ECPAS: variants seen among roughly 807,000 people sequenced by gnomAD.
ECPAS encodes the protein proteasome adapter and scaffold protein ECM29.
ECPAS carries 70 observed loss-of-function variants against 255.1 expected under a neutral mutation model. The ratio of observed to expected loss-of-function variants is 0.27; its 90% CI spans 0.23 to 0.33. The LOEUF is 0.33. ECPAS is among the 10% of genes least tolerant of loss of function. The probability of loss-of-function intolerance (pLI) is 1.00; values close to 1 mark genes in which losing one functional copy is unlikely to be tolerated. For synonymous variants in ECPAS, 784 were observed against 775.0 expected, an observed-to-expected ratio of 1.01 and a Z score of -0.19; for missense variants, 1,817 against 2,206.4, an observed-to-expected ratio of 0.82 and a Z score of 3.54.
intron 24 of ECPAS, among the ~76,000 whole-genome samples, chr9:111,402,909 A>C (rs2098178318): frequency 1.3e-5 from 2 of 152,216 alleles, no homozygotes; most frequent in Admixed American, 1.3e-4. Context: ...AGGACTTCCA[A>C]AACAACCAGA....
At chr9:111,401,340 G>A (rs547661634) in intron 24 of ECPAS, among the ~76,000 whole-genome samples, 22 of 152,276 alleles carry the variant, frequency 1.4e-4, no homozygotes, top group African/African-American at 3.9e-4. Context: ...CCGTGATGGC[G>A]ACCTTGAGCC....
intron 1 of ECPAS, among the ~76,000 whole-genome samples, chr9:111,481,065 G>GA (rs1381100725): frequency 6.6e-5 from 10 of 151,824 alleles, no homozygotes; most frequent in Non-Finnish European, 1.2e-4. Context: ...CATAGCAATT[G>GA]AAAAAAAATC....
chr9:111,481,750 G>T (rs539132637), intron 1 of ECPAS, among the ~76,000 whole-genome samples: 1 of 152,124 alleles, frequency 6.6e-6, no homozygotes, highest in South Asian at 2.1e-4. Context: ...TACATACAAG[G>T]GAATATCATT....
intron 32 of ECPAS, 93 bp downstream of exon 32, chr9:111,386,284 T>C: frequency 1.2e-6 from 1 of 851,314 alleles, no homozygotes; most frequent in East Asian, 2.6e-5. Context: ...TAGTTTTAAT[T>C]TATTCCTTTT....
intron 13 of ECPAS, 61 bp downstream of exon 13, chr9:111,423,138 G>T: frequency 9.1e-7 from 1 of 1,094,596 alleles, no homozygotes; most frequent in Non-Finnish European, 1.3e-6. Flanking sequence ...ATTATTAAAT[G>T]CCACATAATT....
At chr9:111,372,999 T>C (rs1264603866) in intron 41 of ECPAS, among the ~76,000 whole-genome samples, 171 bp downstream of exon 41, 1 of 151,848 alleles carries the variant, frequency 6.6e-6, no homozygotes, top group African/African-American at 2.4e-5. Context: ...ACCACTGCAC[T>C]CCAACCTCAG....
intron 1 of ECPAS, among the ~76,000 whole-genome samples, chr9:111,476,358 G>A (rs41508454): frequency 0.064 from 9,743 of 152,196 alleles, 461 homozygotes; most frequent in East Asian, 0.21. Flanking sequence ...GCAGAAGATA[G>A]TATTAGCAGA....
rs187843585 is a variant in ECPAS at position 111,409,708 on chromosome 9, A to T, written c.2550+333T>A. Among the ~76,000 whole-genome samples, 530 of 131,396 alleles carry T rather than the reference A, an allele frequency of 4.0e-3. 3 individuals are homozygous for T. The highest frequency in any genetic ancestry group is 0.012 in the African/African-American group (486 of 39,298). 86.2% of individuals were successfully genotyped at this position (131,396 alleles called of 152,430 possible). On this transcript the variant is annotated intron_variant, in intron 23 of 49. Coordinates refer to ENST00000684092, the MANE Select transcript of ECPAS (RefSeq NM_001364929.1). ...TTAGGATTTATATTTGGCCTAAAAT[A>T]AAAAAAAAATCACAAAATTACTTAA...
intron 1 of ECPAS, chr9:111,483,648 G>A: frequency 1.5e-5 from 3 of 200,504 alleles, no homozygotes; most frequent in Non-Finnish European, 2.6e-5. Flanking sequence ...CCGTTCACTC[G>A]GCGCGGACCG....
chr9:111,391,609 T>C, intron 29 of ECPAS, 147 bp downstream of exon 29: 1 of 594,096 alleles, frequency 1.7e-6, no homozygotes, highest in Non-Finnish European at 2.9e-6. Flanking sequence ...CATCAGACTT[T>C]TTTCCATGTA....
intron 4 of ECPAS, 150 bp downstream of exon 4, chr9:111,444,228 G>C: frequency 1.7e-6 from 1 of 572,870 alleles, no homozygotes; most frequent in Non-Finnish European, 3.1e-6. Flanking sequence ...TGGAAAAACA[G>C]TGTGTCATTT....
chr9:111,470,088 G>T (rs528556839), intron 2 of ECPAS, among the ~76,000 whole-genome samples: 16 of 152,240 alleles, frequency 1.1e-4, no homozygotes, highest in Non-Finnish European at 2.4e-4. Flanking sequence ...ACCTTCACAG[G>T]CAACAAAGTC....
At chr9:111,396,888 T>G in intron 25 of ECPAS, 142 bp downstream of exon 25, 1 of 1,120,090 alleles carries the variant, frequency 8.9e-7, no homozygotes, top group African/African-American at 1.5e-5. Context: ...CTATTTTTCT[T>G]GACTGAATGA....
chr9:111,417,841 C>T (rs567958706), intron 17 of ECPAS, 42 bp downstream of exon 17: 3 of 1,480,340 alleles, frequency 2.0e-6, no homozygotes, highest in Admixed American at 2.5e-5. Flanking sequence ...TTTTCATCAT[C>T]CATTATGATT....
chr9:111,403,081 G>A (rs551733752), intron 24 of ECPAS, among the ~76,000 whole-genome samples: 11 of 152,046 alleles, frequency 7.2e-5, no homozygotes, highest in Admixed American at 3.3e-4. Context: ...GGCTGGGCAC[G>A]GTGGCTCACA....
chr9:111,449,785 A>T (rs1161797072), intron 3 of ECPAS, among the ~76,000 whole-genome samples: 2 of 152,076 alleles, frequency 1.3e-5, no homozygotes, highest in Admixed American at 6.6e-5. Context: ...ATACCCTTTC[A>T]AATCAGTGCC....
At chr9:111,411,836 A>G (rs1377185134) in intron 21 of ECPAS, 178 bp downstream of exon 21, 1 of 526,086 alleles carries the variant, frequency 1.9e-6, no homozygotes, top group African/African-American at 2.0e-5. Flanking sequence ...CAGCACCCGT[A>G]TCTGTTAAGT....
intron 24 of ECPAS, among the ~76,000 whole-genome samples, chr9:111,404,214 CA>C (rs1424898899): frequency 6.7e-6 from 1 of 148,636 alleles, no homozygotes; most frequent in Admixed American, 6.6e-5. Flanking sequence ...ACTAGAAAAG[CA>C]AAAGCAAAGC....
intron 2 of ECPAS, among the ~76,000 whole-genome samples, chr9:111,472,536 G>C (rs909052431): frequency 1.3e-5 from 2 of 151,752 alleles, no homozygotes; most frequent in African/African-American, 4.8e-5. Flanking sequence ...TACTCGGTGG[G>C]GCTGAGGCAG....
Sources: allele counts gnomAD v4.1 joint callset (sites outside exome capture counted in the v4.1 genomes callset), GRCh38; gene constraint gnomAD v4.1.1; transcripts MANE v1.5; gene names NCBI Gene and HGNC (gene_info 2026-07-23, HGNC 2026-07-21).